TNFAIP3: variants seen among roughly 807,000 people sequenced by gnomAD.
TNFAIP3 encodes the protein TNF alpha induced protein 3.
Under a neutral mutation model 72.4 loss-of-function variants are expected in TNFAIP3, and 9 were observed. The ratio of observed to expected loss-of-function variants is 0.12; its 90% CI spans 0.07 to 0.22. The LOEUF is 0.22. TNFAIP3 is among the 10% of genes least tolerant of loss of function. The pLI is 1.00. For synonymous variants in TNFAIP3, 339 were observed against 372.6 expected (o/e 0.91, Z 1.04); for missense variants, 833 against 1,018.7 (o/e 0.82, Z 2.48).
At chr6:137,880,403 T>C (rs1776409989) in intron 8 of TNFAIP3, 151 bp downstream of exon 8, 2 of 850,520 alleles carry the variant, frequency 2.4e-6, no homozygotes, top group South Asian at 1.6e-5. Flanking sequence ...AAGGGGAATG[T>C]CCATGTCACT....
chr6:137,875,179 C>T, intron 3 of TNFAIP3, 144 bp downstream of exon 3: 1 of 913,576 alleles, frequency 1.1e-6, no homozygotes, highest in African/African-American at 1.7e-5. Flanking sequence ...TGGAAAACAC[C>T]AGAAACCTCC....
chr6:137,878,856 A>G lies in TNFAIP3; in HGVS notation c.1411A>G (p.Ser471Gly), dbSNP rs1031393159. The G allele has an allele frequency of 1.2e-6, 2 of 1,614,122 alleles. No homozygotes were observed. Among genetic ancestry groups the G allele is most frequent in the Non-Finnish European group, 8.5e-7 (1 of 1,180,024 alleles). ...PPTAPSPFLF[S>G]ETTAMKCRSP... is the part of the protein sequence containing the mutation. The stretch of plus-strand genomic sequence containing the variant: ...GACAGCACCCAGCCCTTTTCTGTTC[A>G]GTGAGACCACTGCCATGAAGTGCAG... Residue 471 changes from serine (S) to glycine (G), a missense_variant, in exon 7 of 9, where the codon AGT becomes GGT. This residue lies in a region of TNFAIP3 where 587 missense variants were observed against 657.8 expected (regional missense o/e 0.89). Coordinates refer to ENST00000612899, the MANE Select transcript of TNFAIP3 (RefSeq NM_001270508.2).
chr6:137,869,401 A>G (rs1437715992), intron 1 of TNFAIP3, among the ~76,000 whole-genome samples: 1 of 143,664 alleles, frequency 7.0e-6, no homozygotes, highest in African/African-American at 2.7e-5. Context: ...ACGGACGGAT[A>G]GATGATATTG....
Position 137,871,115 on chromosome 6 carries a change from A to G in TNFAIP3, c.-15-98A>G, listed in dbSNP as rs572943942. On this transcript the variant is annotated intron_variant, in intron 1 of 8. Coordinates refer to ENST00000612899, the MANE Select transcript of TNFAIP3 (RefSeq NM_001270508.2). This position sits in a 1 kb window ranked among gnomAD's most constrained non-coding sequence, Gnocchi z 4.2. Reference sequence around the variant, plus strand: ...CTTTTGCCTACAGATCAGGGTAATGACAAGATCAAACACTGGGGTTTCCTG... The same window carrying G: ...CTTTTGCCTACAGATCAGGGTAATGGCAAGATCAAACACTGGGGTTTCCTG... 8.7e-7 allele frequency: 1 copy of G among 1,150,636 alleles called. No homozygotes were observed. Among genetic ancestry groups the G allele is most frequent in the African/African-American group, 1.5e-5 (1 of 64,604 alleles). The allele number at this position is 1,150,636 out of a possible 1,614,324, so 71.3% of individuals were successfully genotyped here.
chr6:137,878,998 C>T lies in TNFAIP3; in HGVS notation c.1553C>T (p.Pro518Leu), dbSNP rs2114502353. 3 of 1,614,224 alleles carry T rather than the reference C, an allele frequency of 1.9e-6. No homozygotes were observed. Among genetic ancestry groups the T allele is most frequent in the Non-Finnish European group, 2.5e-6 (3 of 1,180,038 alleles). The change falls in exon 7 of 9, where the codon CCC (proline) becomes CTC (leucine). Residue 518 changes from proline (P) to leucine (L), a missense_variant. Physicochemically the swap from Pro to Leu is moderately conservative, Grantham distance 98. This residue lies in a region of TNFAIP3 where 587 missense variants were observed against 657.8 expected (regional missense o/e 0.89). Transcript: ENST00000612899. ...HAPDHTRHLD[P>L]GKCQACLQDV... ...CCAGACCACACAAGGCACTTGGATC[C>T]CGGGAAGTGCCAAGCCTGCCTCCAG...
intron 2 of TNFAIP3, among the ~76,000 whole-genome samples, chr6:137,873,755 A>G (rs969644442): frequency 6.6e-6 from 1 of 152,206 alleles, no homozygotes; most frequent in African/African-American, 2.4e-5. Context: ...TTGTTTGAAT[A>G]CTTAGCTAGT....
At chr6:137,869,910 C>A (rs182128892) in intron 1 of TNFAIP3, among the ~76,000 whole-genome samples, 137 of 152,336 alleles carry the variant, frequency 9.0e-4, no homozygotes, top group African/African-American at 3.2e-3. Context: ...TGGCCAGACA[C>A]CCTACTAAGG....
intron 7 of TNFAIP3, 89 bp downstream of exon 7, chr6:137,879,440 C>T: frequency 1.4e-6 from 2 of 1,427,024 alleles, no homozygotes; most frequent in Non-Finnish European, 1.9e-6. Context: ...CCCATGTAGG[C>T]AGTCAGGCAG....
chr6:137,876,439 C>T (rs1285248624), intron 5 of TNFAIP3, among the ~76,000 whole-genome samples: 1 of 152,146 alleles, frequency 6.6e-6, no homozygotes, highest in Non-Finnish European at 1.5e-5. Context: ...AAGTAAACGC[C>T]TGTCAGGTTA....
intron 2 of TNFAIP3, among the ~76,000 whole-genome samples, chr6:137,872,672 CATAG>C (rs1222076252): frequency 4.6e-5 from 7 of 152,082 alleles, no homozygotes; most frequent in Admixed American, 3.3e-4. Context: ...TTCTTAGAAA[CATAG>C]ATAGAAAGAA....
At position 137,871,369 on chromosome 6, in the gene TNFAIP3, C is replaced by A. The variant is rs1171070280; in HGVS notation, c.142C>A (p.Leu48Met). ...TTTTAAAACCATGCACCGATACACA[C>A]TGGAAATGTTCAGAACTTGCCAGTT... ...HHFKTMHRYT[L>M]EMFRTCQFCP... is the part of the protein sequence containing the mutation. Residue 48 changes from leucine to methionine, a missense_variant, in exon 2 of 9, where the codon CTG (leucine) becomes ATG (methionine). Around this residue, in one of 2 missense-constraint regions of TNFAIP3, gnomAD observed 246 missense variants for 360.9 expected, o/e 0.68. Coordinates refer to ENST00000612899, the MANE Select transcript of TNFAIP3 (RefSeq NM_001270508.2). This position sits in a 1 kb window ranked among gnomAD's most constrained non-coding sequence, Gnocchi z 4.2. 3 of 1,614,208 alleles carry A rather than the reference C, an allele frequency of 1.9e-6. No homozygotes were observed. The highest frequency in any genetic ancestry group is 2.2e-5 in the South Asian group (2 of 91,084).
rs1336068023 is a variant in TNFAIP3, at chr6:137,882,882, G to C, written c.*1563G>C. 2 of 228,144 alleles carry C rather than the reference G, an allele frequency of 8.8e-6. No homozygotes were observed. Among genetic ancestry groups the C allele is most frequent in the Non-Finnish European group, 1.7e-5 (2 of 115,056 alleles). 14.1% of individuals were successfully genotyped at this position (228,144 alleles called of 1,614,324 possible). ...GCTCTAGAAGAAAAAAAAAAAAGGAGGGGAAATGCATTTTCCCCAGAGATA... is the reference window on the plus strand; with the variant it reads ...GCTCTAGAAGAAAAAAAAAAAAGGACGGGAAATGCATTTTCCCCAGAGATA... On this transcript the variant is annotated 3_prime_UTR_variant, in exon 9 of 9. Transcript: ENST00000612899.
intron 2 of TNFAIP3, among the ~76,000 whole-genome samples, chr6:137,872,990 A>C (rs1776112050): frequency 6.6e-6 from 1 of 152,190 alleles, no homozygotes; most frequent in Admixed American, 6.5e-5. Context: ...AAGGAATATA[A>C]ATAGGAAACA....
At chr6:137,872,098 G>A (rs1776083075) in intron 2 of TNFAIP3, among the ~76,000 whole-genome samples, 1 of 152,184 alleles carries the variant, frequency 6.6e-6, no homozygotes, top group Non-Finnish European at 1.5e-5. Context: ...AGATAGCTGA[G>A]ATTTTTAGCA....
At chr6:137,875,471 C>A (rs5029945) in intron 3 of TNFAIP3, among the ~76,000 whole-genome samples, 1,841 of 152,072 alleles carry the variant, frequency 0.012, 44 homozygotes, top group African/African-American at 0.042. Context: ...CTGTCCCCGT[C>A]CTCCCCAACT....
intron 2 of TNFAIP3, among the ~76,000 whole-genome samples, chr6:137,872,383 A>G (rs1289325071): frequency 6.6e-6 from 1 of 152,250 alleles, no homozygotes; most frequent in Non-Finnish European, 1.5e-5. Flanking sequence ...TTAAATGCTC[A>G]TAGTCTACAT....
In TNFAIP3 at chr6:137,878,749, T is replaced by C. The variant is rs773641974; in HGVS notation, c.1304T>C (p.Leu435Pro). The C allele has an allele frequency of 9.3e-6, 15 of 1,613,572 alleles. No homozygotes were observed. The highest frequency in any genetic ancestry group is 3.3e-5 in the Admixed American group (2 of 59,976). ...CCTGAGGGGCTCCCTGGCATGGCGC[T>C]CGGGGCCTCTCGGGGAGAAGCCTAT... ...PGPEGLPGMA[L>P]GASRGEAYEP... is the part of the protein sequence containing the mutation. Residue 435 changes from leucine to proline, a missense_variant, in exon 7 of 9, where the codon CTC (leucine) becomes CCC (proline). Physicochemically the swap from Leu to Pro is moderately conservative, Grantham distance 98. Transcript: ENST00000612899.
intron 2 of TNFAIP3, among the ~76,000 whole-genome samples, chr6:137,872,346 A>G (rs1251692532): frequency 6.6e-6 from 1 of 152,214 alleles, no homozygotes; most frequent in African/African-American, 2.4e-5. Context: ...AATTATGACA[A>G]TAAGGAAGTT....
rs1235827153 is a variant in TNFAIP3, at chr6:137,875,660, A to G, written c.487-28A>G. 2.5e-6 allele frequency: 4 copies of G among 1,613,330 alleles called. No individual in the cohort carries two copies. The African/African-American group carries it at 4.0e-5, about 16-fold the overall frequency. Reference sequence around the variant, plus strand: ...GTACAGGGAGTACAGGATACATTCAAGCTTTTTTTTCACCCCGCTCCCCTT... The same window carrying G: ...GTACAGGGAGTACAGGATACATTCAGGCTTTTTTTTCACCCCGCTCCCCTT... On this transcript the variant is annotated intron_variant, in intron 3 of 8. Transcript: ENST00000612899.
Sources: allele counts gnomAD v4.1 joint callset (sites outside exome capture counted in the v4.1 genomes callset), GRCh38; gene constraint gnomAD v4.1.1; regional missense constraint gnomAD v4.1.1; non-coding constraint Gnocchi (gnomAD v3.1); transcripts MANE v1.5; gene names NCBI Gene and HGNC (gene_info 2026-07-23, HGNC 2026-07-21).